Variants in MED12L observed in about 807,000 individuals in gnomAD.
The protein encoded by MED12L is mediator of RNA polymerase II transcription subunit 12-like protein.
A neutral mutation model predicts 281.3 loss-of-function variants in MED12L; 60 were observed. The ratio of observed to expected loss-of-function variants is 0.21; its 90% CI spans 0.17 to 0.26. MED12L has a LOEUF of 0.26. MED12L is among the 10% of genes least tolerant of loss of function. The probability of loss-of-function intolerance (pLI) is 1.00; values close to 1 mark genes in which losing one functional copy is unlikely to be tolerated. For missense variants in MED12L, 2,146 were observed against 2,680.9 expected (o/e 0.80, Z 4.41); for synonymous variants, 974 against 987.2 (o/e 0.99, Z 0.25).
intron 2 of MED12L, among the ~76,000 whole-genome samples, chr3:151,098,636 G>C (rs1182829071): frequency 1.3e-5 from 2 of 152,130 alleles, no homozygotes; most frequent in Non-Finnish European, 2.9e-5. Context: ...AAGGACACTT[G>C]TCATTGGATT....
Position 151,282,176 on chromosome 3 carries a change from C to T in MED12L, c.2251-67883C>T, listed in dbSNP as rs182149369. Among the ~76,000 whole-genome samples the T allele has an allele frequency of 3.7e-4, 56 of 152,300 alleles. 1 individual carries two copies. The highest frequency in any genetic ancestry group is 1.9e-4 in the Non-Finnish European group (13 of 68,028). ...GCATCCGGCCTCATCCCCACTTGCT[C>T]TCTTGGAGACTTGTTCATGTGAGCC... On this transcript the variant is annotated intron_variant, in intron 16 of 44. Transcript: ENST00000687756.
rs561814531 is a variant in MED12L at position 151,374,057 on chromosome 3, CTG to C, written c.3864+1295_3864+1296del. Among the ~76,000 whole-genome samples the C allele has an allele frequency of 2.3e-3, 344 of 152,256 alleles. 3 individuals are homozygous for C. The highest frequency in any genetic ancestry group is 8.0e-3 in the African/African-American group (331 of 41,542). On this transcript the variant is annotated intron_variant, in intron 27 of 44. Transcript: ENST00000687756. ...TCCAATCCAACCCCACAAAGTTGTT[CTG>C]TGTTTTCCCCTAATTCATATTAGTA...
chr3:151,384,329 T>A, intron 35 of MED12L, 111 bp downstream of exon 35: 1 of 1,118,848 alleles, frequency 8.9e-7, no homozygotes, highest in Non-Finnish European at 1.2e-6. Flanking sequence ...CAACTTAATT[T>A]AATGTGATTA....
At chr3:151,311,353 T>A (rs1192129662) in intron 16 of MED12L, among the ~76,000 whole-genome samples, 3 of 151,992 alleles carry the variant, frequency 2.0e-5, no homozygotes, top group Non-Finnish European at 4.4e-5. Context: ...ATATTTAGTG[T>A]TGTTGTTTAC....
chr3:151,275,233 A>C (rs553307411), intron 16 of MED12L, among the ~76,000 whole-genome samples: 1 of 152,298 alleles, frequency 6.6e-6, no homozygotes, highest in South Asian at 2.1e-4. Context: ...TGATCACACC[A>C]CAAGTGTACA....
chr3:151,195,142 G>A (rs1724485121), intron 16 of MED12L, among the ~76,000 whole-genome samples: 3 of 152,178 alleles, frequency 2.0e-5, no homozygotes, highest in African/African-American at 4.8e-5. Context: ...CAGCCTGGGC[G>A]ACAGAGGGAG....
Position 151,434,636 on chromosome 3 carries a change from A to G in MED12L, c.*1832A>G, listed in dbSNP as rs1311137249. 1 of 152,260 alleles carries G rather than the reference A, an allele frequency of 6.6e-6. No individual in the cohort carries two copies. The highest frequency in any genetic ancestry group is 2.4e-5 in the African/African-American group (1 of 41,476). 9.4% of individuals were successfully genotyped at this position (152,260 alleles called of 1,614,324 possible). ...TTGTTTTCTTCAAAGTAATATATCT[A>G]TATAATGACTGCATTGGCAAATCAA... is the stretch of plus-strand genomic sequence containing the variant. On this transcript the variant is annotated 3_prime_UTR_variant, in exon 45 of 45. Coordinates refer to ENST00000687756, the MANE Select transcript of MED12L (RefSeq NM_001393769.1).
chr3:151,181,968 T>C, intron 11 of MED12L, among the ~76,000 whole-genome samples: 1 of 152,134 alleles, frequency 6.6e-6, no homozygotes. Context: ...CAATAATAAC[T>C]CAGTGGAATA....
intron 5 of MED12L, among the ~76,000 whole-genome samples, chr3:151,152,491 TAACTC>T (rs763857490): frequency 6.6e-6 from 1 of 152,110 alleles, no homozygotes; most frequent in Non-Finnish European, 1.5e-5. Flanking sequence ...CATGGGGTGT[TAACTC>T]AGCTGAGGCA....
At chr3:151,328,839 G>A (rs766749093) in intron 16 of MED12L, 1 of 1,613,964 alleles carries the variant, frequency 6.2e-7, no homozygotes, top group South Asian at 1.1e-5. Context: ...GAGGAGCTGG[G>A]GATGTGAACA....
chr3:151,115,547 A>G (rs1328555012), intron 2 of MED12L, among the ~76,000 whole-genome samples: 3 of 150,880 alleles, frequency 2.0e-5, no homozygotes, highest in African/African-American at 7.3e-5. Flanking sequence ...GGGTCTCCCC[A>G]TTTTGGCCAG....
intron 2 of MED12L, among the ~76,000 whole-genome samples, chr3:151,094,899 A>G (rs1432296353): frequency 6.6e-6 from 1 of 152,222 alleles, no homozygotes; most frequent in East Asian, 1.9e-4. Flanking sequence ...AAGCCAACCT[A>G]GAGCCCCTTT....
chr3:151,353,725 A>T (rs1753535687), intron 17 of MED12L, among the ~76,000 whole-genome samples: 1 of 152,166 alleles, frequency 6.6e-6, no homozygotes, highest in Non-Finnish European at 1.5e-5. Context: ...AATCTTGTTC[A>T]TTTCTTGTGT....
intron 16 of MED12L, among the ~76,000 whole-genome samples, chr3:151,320,814 G>GA (rs946539002): frequency 6.6e-6 from 1 of 152,148 alleles, no homozygotes; most frequent in Admixed American, 6.5e-5. Flanking sequence ...GTCCGGCTGT[G>GA]ACAAGACTAG....
intron 16 of MED12L, among the ~76,000 whole-genome samples, chr3:151,211,226 A>T (rs1186435986): frequency 6.6e-6 from 1 of 152,194 alleles, no homozygotes; most frequent in African/African-American, 2.4e-5. Flanking sequence ...GCACATGCTT[A>T]CAAAGGCATT....
intron 27 of MED12L, among the ~76,000 whole-genome samples, chr3:151,374,279 G>A (rs770771581): frequency 1.3e-5 from 2 of 152,172 alleles, no homozygotes; most frequent in African/African-American, 4.8e-5. Flanking sequence ...AGGGCGCAGC[G>A]GCTCAAGCCT....
intron 17 of MED12L, 135 bp downstream of exon 17, chr3:151,350,341 A>G: frequency 1.4e-6 from 1 of 701,050 alleles, no homozygotes; most frequent in Non-Finnish European, 2.1e-6. Flanking sequence ...TTGAAATGTG[A>G]ACAAGCACAT....
At chr3:151,364,104 TAG>T (rs1038634647) in intron 21 of MED12L, among the ~76,000 whole-genome samples, 12 of 152,112 alleles carry the variant, frequency 7.9e-5, no homozygotes, top group African/African-American at 2.7e-4. Context: ...AGCTTTTGAG[TAG>T]AGAGAGTGAA....
intron 16 of MED12L, among the ~76,000 whole-genome samples, chr3:151,254,994 C>T (rs1293338087): frequency 1.3e-5 from 2 of 151,964 alleles, no homozygotes; most frequent in African/African-American, 4.8e-5. Context: ...TTGTAGTTTT[C>T]CCAGAAACTT....
Sources: gnomAD v4.1 joint callset for allele counts (sites outside exome capture counted in the v4.1 genomes callset) on GRCh38, gnomAD v4.1.1 for gene constraint, MANE v1.5 for transcripts, NCBI Gene and HGNC (gene_info 2026-07-23, HGNC 2026-07-21) for gene names.